Variants in GHR observed in about 807,000 individuals in gnomAD.
GHR encodes the protein GH receptor.
GHR carries 35 observed loss-of-function variants against 67.1 expected under a neutral mutation model. That is an observed-to-expected ratio of 0.52 (90% CI 0.40 to 0.69). The LOEUF is 0.69. Among genes scored for constraint, GHR ranks in the 30% least tolerant of loss-of-function variants. The pLI, the probability that GHR is intolerant of heterozygous loss-of-function variation, is 0.00. For synonymous variants in GHR, 272 were observed against 269.1 expected, an observed-to-expected ratio of 1.01 and a Z score of -0.10; for missense variants, 792 against 764.6, an observed-to-expected ratio of 1.04 and a Z score of -0.42.
chr5:42,457,699 T>C (rs1254086176), intron 1 of GHR, among the ~76,000 whole-genome samples: 1 of 152,246 alleles, frequency 6.6e-6, no homozygotes, highest in Non-Finnish European at 1.5e-5. Context: ...ATTAATTTTT[T>C]CATAGTCCCT....
At position 42,474,336 on chromosome 5, in the gene GHR, A is replaced by AGAAAGAAAGAAAGAAAGAAG. The variant is rs1579770183; in HGVS notation, c.-12+50385_-12+50386insGAAAGAAAGAAAGAAGGAAA. ...AAGAAAGAAAGAAAGAAAGAAAGAA[A>AGAAAGAAAGAAAGAAAGAAG]GAAAAGAAATAAAGAAAGAAAGCAA... is the stretch of plus-strand genomic sequence containing the variant. On this transcript the variant is annotated intron_variant, in intron 1 of 9. Transcript: ENST00000230882. Among the ~76,000 whole-genome samples the AGAAAGAAAGAAAGAAAGAAG allele has an allele frequency of 6.1e-5, 9 of 147,694 alleles. No individual in the cohort carries two copies. The East Asian group carries it at 7.0e-4, about 12-fold the overall frequency.
intron 3 of GHR, among the ~76,000 whole-genome samples, chr5:42,658,188 G>T (rs1224525590): frequency 1.3e-5 from 2 of 152,016 alleles, no homozygotes; most frequent in Non-Finnish European, 2.9e-5. Context: ...ATAAGTTTCT[G>T]AACCTAATGC....
chr5:42,585,196 G>T (rs944446447), intron 2 of GHR, among the ~76,000 whole-genome samples: 1 of 152,308 alleles, frequency 6.6e-6, no homozygotes. Flanking sequence ...GTAGGATCTG[G>T]TTTTCCACTG....
At chr5:42,437,651 G>A (rs950795362) in intron 1 of GHR, among the ~76,000 whole-genome samples, 9 of 151,650 alleles carry the variant, frequency 5.9e-5, no homozygotes, top group South Asian at 2.1e-4. Flanking sequence ...AGGTTCAAGC[G>A]ATTCTCTTGC....
intron 1 of GHR, among the ~76,000 whole-genome samples, chr5:42,528,340 G>T (rs1200207595): frequency 6.6e-6 from 1 of 152,070 alleles, no homozygotes; most frequent in African/African-American, 2.4e-5. Flanking sequence ...CAGCAGTTTA[G>T]AAGAAGTTGA....
intron 1 of GHR, among the ~76,000 whole-genome samples, chr5:42,489,464 A>G (rs1746020675): frequency 6.6e-6 from 1 of 152,184 alleles, no homozygotes; most frequent in Non-Finnish European, 1.5e-5. Context: ...ATAATTTCTA[A>G]GTGTTAAATA....
At chr5:42,506,023 G>A (rs1022911913) in intron 1 of GHR, among the ~76,000 whole-genome samples, 3 of 152,074 alleles carry the variant, frequency 2.0e-5, no homozygotes, top group Non-Finnish European at 2.9e-5. Context: ...CTTCTTGTTA[G>A]TGATATTTAC....
intron 4 of GHR, among the ~76,000 whole-genome samples, chr5:42,690,796 G>A (rs551268908): frequency 4.9e-4 from 74 of 152,138 alleles, no homozygotes; most frequent in African/African-American, 1.7e-3. Flanking sequence ...AGAGGTTGGG[G>A]CCAGTAAACA....
chr5:42,653,511 T>C (rs943049266), intron 3 of GHR, among the ~76,000 whole-genome samples: 1 of 152,124 alleles, frequency 6.6e-6, no homozygotes, highest in Non-Finnish European at 1.5e-5. Flanking sequence ...TGTGAGGTTG[T>C]ATTATGGGCA....
At chr5:42,585,799 A>G (rs1751445582) in intron 2 of GHR, among the ~76,000 whole-genome samples, 1 of 152,032 alleles carries the variant, frequency 6.6e-6, no homozygotes, top group Non-Finnish European at 1.5e-5. Flanking sequence ...AGTAAGATTG[A>G]GAAGGGGAAG....
chr5:42,506,859 A>G (rs1746800245), intron 1 of GHR, among the ~76,000 whole-genome samples: 1 of 152,214 alleles, frequency 6.6e-6, no homozygotes, highest in African/African-American at 2.4e-5. Flanking sequence ...CAAGAAAACA[A>G]GGATGTGGTC....
chr5:42,496,501 C>T (rs574300191), intron 1 of GHR, among the ~76,000 whole-genome samples: 15 of 152,136 alleles, frequency 9.9e-5, no homozygotes, highest in African/African-American at 3.6e-4. Context: ...TCTTGGGATG[C>T]TGGATGAAAA....
chr5:42,655,126 C>A (rs1755191467), intron 3 of GHR, among the ~76,000 whole-genome samples: 1 of 152,080 alleles, frequency 6.6e-6, no homozygotes, highest in Non-Finnish European at 1.5e-5. Flanking sequence ...GCTTTATGGA[C>A]GTTCATCCAA....
rs1759022591 is a variant in GHR at position 42,721,527 on chromosome 5, T to A, written c.*2103T>A. ...ATTTTCTGCTACTTTGCTGCTATGG[T>A]TTTCTCCAAGAGCTACATAATTTAG... On this transcript the variant is annotated 3_prime_UTR_variant, in exon 10 of 10. Coordinates refer to ENST00000230882, the MANE Select transcript of GHR (RefSeq NM_000163.5). 6.6e-6 allele frequency: 1 copy of A among 152,658 alleles called. No homozygotes were observed. The highest frequency in any genetic ancestry group is 2.4e-5 in the African/African-American group (1 of 41,456). 9.5% of individuals were successfully genotyped at this position (152,658 alleles called of 1,614,324 possible).
chr5:42,428,256 G>C (rs946151574), intron 1 of GHR, among the ~76,000 whole-genome samples: 2 of 152,124 alleles, frequency 1.3e-5, no homozygotes, highest in African/African-American at 4.8e-5. Context: ...CCAAGACTTG[G>C]GGCTTTCACC....
In GHR at chr5:42,576,079, TAA is replaced by T. The variant is rs1209617331; in HGVS notation, c.70+10138_70+10139del. Among the ~76,000 whole-genome samples the T allele has an allele frequency of 2.0e-4, 18 of 89,672 alleles. 2 individuals carry two copies. The highest frequency in any genetic ancestry group is 9.6e-4 in the African/African-American group (16 of 16,708). The allele number at this position is 89,672 out of a possible 152,430, so 58.8% of individuals were successfully genotyped here. On this transcript the variant is annotated intron_variant, in intron 2 of 9. Transcript: ENST00000230882. Reference sequence around the variant, plus strand: ...TAAAATAAAATAAAATAAAATAAAATAAAATAAAATAAAATAAAATAAATAAA... The same window carrying T: ...TAAAATAAAATAAAATAAAATAAAATAATAAAATAAAATAAAATAAATAAA...
At chr5:42,673,495 C>T (rs1580173977) in intron 3 of GHR, among the ~76,000 whole-genome samples, 1 of 152,070 alleles carries the variant, frequency 6.6e-6, no homozygotes, top group Non-Finnish European at 1.5e-5. Flanking sequence ...CAACACTGTT[C>T]GCAATAGCAA....
intron 1 of GHR, chr5:42,467,571 G>GT (rs971397975): frequency 3.2e-5 from 51 of 1,569,536 alleles, no homozygotes; most frequent in East Asian, 1.6e-4. Flanking sequence ...CTAAGGAGAG[G>GT]TTTTTTTGAT....
At chr5:42,480,066 C>T (rs534501081) in intron 1 of GHR, among the ~76,000 whole-genome samples, 2 of 152,268 alleles carry the variant, frequency 1.3e-5, no homozygotes, top group Non-Finnish European at 2.9e-5. Context: ...GAATGTGTCC[C>T]AGAGATTCTG....
Sources: gnomAD v4.1 joint callset for allele counts (sites outside exome capture counted in the v4.1 genomes callset) on GRCh38, gnomAD v4.1.1 for gene constraint, MANE v1.5 for transcripts, NCBI Gene and HGNC (gene_info 2026-07-23, HGNC 2026-07-21) for gene names.